Variants in UBR3 observed in about 807,000 individuals in gnomAD.
UBR3 encodes E3 ubiquitin-protein ligase UBR3.
UBR3 carries 85 observed loss-of-function variants against 243.2 expected under a neutral mutation model. That is an observed-to-expected ratio of 0.35 (90% confidence interval 0.29 to 0.42). The LOEUF (loss-of-function observed/expected upper bound fraction) is 0.42. UBR3 is among the 10% of genes least tolerant of loss of function. The pLI, the probability that UBR3 is intolerant of heterozygous loss-of-function variation, is 1.00. For missense variants in UBR3, 1,686 were observed against 2,300.8 expected (o/e 0.73, Z 5.47); for synonymous variants, 748 against 799.8 (o/e 0.94, Z 1.09).
At chr2:169,874,541 A>G (rs925748246) in intron 2 of UBR3, among the ~76,000 whole-genome samples, 77 of 152,208 alleles carry the variant, frequency 5.1e-4, no homozygotes, top group African/African-American at 1.8e-3. Context: ...GCAATAACCA[A>G]TCCAAGGTAA....
chr2:169,968,379 C>A (rs1012639019), intron 24 of UBR3, among the ~76,000 whole-genome samples: 5 of 152,262 alleles, frequency 3.3e-5, no homozygotes, highest in Admixed American at 2.6e-4. Flanking sequence ...GTCTGGTAAC[C>A]ATCATTTTGC....
At chr2:170,065,594 G>A (rs924140988) in intron 35 of UBR3, among the ~76,000 whole-genome samples, 8 of 151,964 alleles carry the variant, frequency 5.3e-5, no homozygotes, top group African/African-American at 1.7e-4. Context: ...TTTTTTAATC[G>A]TCCAAGTAAG....
At position 169,949,951 on chromosome 2, in the gene UBR3, C is replaced by T. The variant is rs200724653; in HGVS notation, c.3431C>T (p.Ser1144Leu). 1.6e-5 allele frequency: 26 copies of T among 1,613,618 alleles called. No individual in the cohort carries two copies. In the African/African-American group the frequency reaches 2.1e-4, roughly 13 times the overall value. Residue 1144 changes from serine to leucine, a missense_variant, in exon 23 of 39, where the codon TCG (serine) becomes TTG (leucine). Ser to Leu is a moderately radical substitution (Grantham distance 145, BLOSUM62 -2). Transcript: ENST00000272793. ...GAAAGAATTTTACTAAAAGCTGCAT[C>T]GCAAAGTAGAATGAACAAACGCATC... is the stretch of plus-strand genomic sequence containing the variant. ...AVERILLKAA[S>L]QSRMNKRIIE... is the part of the protein sequence containing the mutation.
intron 25 of UBR3, among the ~76,000 whole-genome samples, chr2:169,987,401 A>C (rs1429313354): frequency 2.7e-5 from 4 of 150,402 alleles, no homozygotes; most frequent in South Asian, 2.1e-4. Flanking sequence ...TCAAAAAAAA[A>C]AAAAAAACAA....
At chr2:170,057,254 C>T (rs2091356197) in intron 33 of UBR3, among the ~76,000 whole-genome samples, 1 of 151,796 alleles carries the variant, frequency 6.6e-6, no homozygotes, top group African/African-American at 2.4e-5. Context: ...GTAGTTGGGG[C>T]TACAGGCTTG....
At position 170,061,099 on chromosome 2, in the gene UBR3, G is replaced by T. The variant is rs1294362626; in HGVS notation, c.4806G>T (p.Lys1602Asn). 6.3e-7 allele frequency: 1 copy of T among 1,580,288 alleles called. No homozygotes were observed. The highest frequency in any genetic ancestry group is 2.0e-5 in the Admixed American group (1 of 51,122). Residue 1602 changes from lysine (K) to asparagine (N), a missense_variant, in exon 34 of 39, where the codon AAG (lysine) becomes AAT (asparagine). By Grantham distance (94) the Lys-to-Asn change is moderately conservative. Transcript: ENST00000272793. ...ALKKSTCDAE[K>N]SYEVLLSFVI... ...TTCAGAGTACATGTGATGCAGAAAA[G>T]TCTTACGAAGTATTACTGAGCTTTG...
At chr2:169,832,443 G>A (rs1210609885) in intron 1 of UBR3, among the ~76,000 whole-genome samples, 2 of 151,904 alleles carry the variant, frequency 1.3e-5, no homozygotes, top group East Asian at 1.9e-4. Context: ...CCAGCTACTC[G>A]GGAGGCTGAG....
At chr2:170,080,429 A>G in intron 37 of UBR3, 116 bp from the exon 38 acceptor site, 1 of 1,095,762 alleles carries the variant, frequency 9.1e-7, no homozygotes, top group East Asian at 2.6e-5. Context: ...TTTAACTTAA[A>G]TGAAATCTTA....
chr2:170,083,383 A>G lies in UBR3; in HGVS notation c.*1540A>G, dbSNP rs1003418054. 2 of 152,740 alleles carry G rather than the reference A, an allele frequency of 1.3e-5. No individual in the cohort carries two copies. The highest frequency in any genetic ancestry group is 2.9e-5 in the Non-Finnish European group (2 of 68,000). The allele number at this position is 152,740 out of a possible 1,614,324, so 9.5% of individuals were successfully genotyped here. ...GCTTGCTATTTTTATATACATTTCC[A>G]AAATATTAAGATAACTTTCTGTAAG... On this transcript the variant is annotated 3_prime_UTR_variant, in exon 39 of 39. Coordinates refer to ENST00000272793, the MANE Select transcript of UBR3 (RefSeq NM_172070.4).
chr2:170,017,530 C>CGG (rs1559190679), intron 30 of UBR3, among the ~76,000 whole-genome samples: 1 of 41,780 alleles, frequency 2.4e-5, no homozygotes, highest in Non-Finnish European at 5.2e-5. Context: ...CGGACACACA[C>CGG]ACACACACAC....
chr2:169,971,543 T>C (rs2088144710), intron 24 of UBR3, among the ~76,000 whole-genome samples: 1 of 152,010 alleles, frequency 6.6e-6, no homozygotes, highest in African/African-American at 2.4e-5. Flanking sequence ...TTTCTACATA[T>C]GGCTAGCCAA....
chr2:169,948,778 C>G (rs1004101341), intron 22 of UBR3, among the ~76,000 whole-genome samples: 8 of 151,936 alleles, frequency 5.3e-5, no homozygotes, highest in Non-Finnish European at 8.8e-5. Context: ...TCTATGCTCG[C>G]TTTTAAAAAA....
chr2:169,847,124 T>TGTGTGC (rs1332056027), intron 1 of UBR3, among the ~76,000 whole-genome samples: 105 of 33,524 alleles, frequency 3.1e-3, no homozygotes, highest in African/African-American at 7.1e-3. Flanking sequence ...TGTGTGTGTG[T>TGTGTGC]GCGCTGGCAG....
chr2:169,901,275 A>G (rs1046944782), intron 8 of UBR3, among the ~76,000 whole-genome samples: 8 of 152,196 alleles, frequency 5.3e-5, no homozygotes, highest in Admixed American at 4.6e-4. Flanking sequence ...TGAATTTTCA[A>G]CAAGCTGAAA....
chr2:169,969,320 T>G (rs933835002), intron 24 of UBR3, among the ~76,000 whole-genome samples: 1 of 152,190 alleles, frequency 6.6e-6, no homozygotes, highest in African/African-American at 2.4e-5. Flanking sequence ...TTTCATGATT[T>G]GAGGTATTAG....
At chr2:169,890,525 G>GGAGA (rs781214598) in intron 5 of UBR3, among the ~76,000 whole-genome samples, 15 of 67,870 alleles carry the variant, frequency 2.2e-4, no homozygotes, top group African/African-American at 7.8e-4. Flanking sequence ...GGTTTTTCTA[G>GGAGA]GAGAGAGAGA....
At chr2:170,042,323 G>A (rs1307406897) in intron 32 of UBR3, among the ~76,000 whole-genome samples, 1 of 151,992 alleles carries the variant, frequency 6.6e-6, no homozygotes, top group Non-Finnish European at 1.5e-5. Flanking sequence ...TGGCTTGGTA[G>A]TATTCCATTG....
chr2:169,991,843 A>G (rs942473704), intron 25 of UBR3, among the ~76,000 whole-genome samples: 5 of 152,104 alleles, frequency 3.3e-5, no homozygotes, highest in Non-Finnish European at 5.9e-5. Flanking sequence ...CGGCCTCCCA[A>G]AGTGTTGGGA....
intron 5 of UBR3, among the ~76,000 whole-genome samples, chr2:169,888,798 A>G (rs554327973): frequency 2.6e-5 from 4 of 152,190 alleles, no homozygotes; most frequent in Non-Finnish European, 4.4e-5. Flanking sequence ...ATTTATAATA[A>G]TAGTTTTTGA....
Sources: gnomAD v4.1 joint callset for allele counts (sites outside exome capture counted in the v4.1 genomes callset) on GRCh38, gnomAD v4.1.1 for gene constraint, MANE v1.5 for transcripts, NCBI Gene and HGNC (gene_info 2026-07-23, HGNC 2026-07-21) for gene names.